The following HECW1 variants were observed in gnomAD, a reference collection of about 807,000 sequenced individuals.
The protein encoded by HECW1 is HECT, C2 and WW domain containing E3 ubiquitin protein ligase 1.
Under a neutral mutation model 182.3 loss-of-function variants are expected in HECW1, and 61 were observed. The ratio of observed to expected loss-of-function variants is 0.33; its 90% CI spans 0.27 to 0.41. The LOEUF is 0.41. HECW1 is among the 10% of genes least tolerant of loss of function. The pLI is 1.00. For missense variants in HECW1, 1,739 were observed against 2,108.9 expected (o/e 0.82, Z 3.44); for synonymous variants, 859 against 832.6 (o/e 1.03, Z -0.55).
intron 3 of HECW1, among the ~76,000 whole-genome samples, chr7:43,280,143 T>A (rs956476005): frequency 5.3e-5 from 8 of 152,176 alleles, no homozygotes; most frequent in African/African-American, 1.7e-4. Context: ...GGAATTCTTA[T>A]CACCTTTTCC....
At chr7:43,365,139 G>A (rs1054153360) in intron 6 of HECW1, among the ~76,000 whole-genome samples, 11 of 152,226 alleles carry the variant, frequency 7.2e-5, no homozygotes, top group African/African-American at 2.7e-4. Flanking sequence ...AGGGGCTGCT[G>A]GAGGGAGTGG....
chr7:43,207,267 G>A (rs759317579), intron 2 of HECW1, among the ~76,000 whole-genome samples: 16 of 152,042 alleles, frequency 1.1e-4, no homozygotes, highest in Admixed American at 3.3e-4. Flanking sequence ...GGCTGGTCTC[G>A]AATTCTTGAC....
rs2082248696 is a variant in HECW1 at position 43,562,934 on chromosome 7, T to C, written c.*1008T>C. 1 of 214,350 alleles carries C rather than the reference T, an allele frequency of 4.7e-6. No homozygotes were observed. Among genetic ancestry groups the C allele is most frequent in the Non-Finnish European group, 9.4e-6 (1 of 106,264 alleles). The allele number at this position is 214,350 out of a possible 1,614,324, so 13.3% of individuals were successfully genotyped here. A position where few individuals can be genotyped will look rare whatever the true frequency, so the allele number is the denominator to read the frequency against. On this transcript the variant is annotated 3_prime_UTR_variant, in exon 30 of 30. Coordinates refer to ENST00000395891, the MANE Select transcript of HECW1 (RefSeq NM_015052.5). ...AAATGTGTAGATGATACCATGACTTTTGTTAAAGCCATGACTTTTGTTTGC... is the reference window on the plus strand; with the variant it reads ...AAATGTGTAGATGATACCATGACTTCTGTTAAAGCCATGACTTTTGTTTGC...
At chr7:43,419,835 G>C (rs2076124587) in intron 8 of HECW1, among the ~76,000 whole-genome samples, 1 of 152,200 alleles carries the variant, frequency 6.6e-6, no homozygotes, top group Non-Finnish European at 1.5e-5. Flanking sequence ...TTTGCCACGA[G>C]AGTACGCCGA....
At chr7:43,306,650 G>A (rs951453854) in intron 3 of HECW1, among the ~76,000 whole-genome samples, 2 of 151,890 alleles carry the variant, frequency 1.3e-5, no homozygotes, top group Non-Finnish European at 2.9e-5. Flanking sequence ...CTCTATTATA[G>A]ACATGCCTTT....
At chr7:43,387,258 T>A (rs1209507388) in intron 6 of HECW1, among the ~76,000 whole-genome samples, 1 of 152,084 alleles carries the variant, frequency 6.6e-6, no homozygotes, top group African/African-American at 2.4e-5. Context: ...ATCGAGGTTA[T>A]GGAAACGGAT....
At position 43,553,688 on chromosome 7, in the gene HECW1, A is replaced by G. The variant is rs113402572; in HGVS notation, c.4511-904A>G. On this transcript the variant is annotated intron_variant, in intron 28 of 29. Transcript: ENST00000395891. ...TGTCTCAAAAAAAAAAAAAAAAAAA[A>G]GTCTCTGCCTGGCTGTTAAGGCCCC... Among the ~76,000 whole-genome samples, 339 of 136,368 alleles carry G rather than the reference A, an allele frequency of 2.5e-3. 43 individuals are homozygous for G. Among genetic ancestry groups the G allele is most frequent in the Non-Finnish European group, 2.4e-3 (150 of 63,400 alleles). The allele number at this position is 136,368 out of a possible 152,430, so 89.5% of individuals were successfully genotyped here.
intron 27 of HECW1, among the ~76,000 whole-genome samples, chr7:43,550,908 G>C (rs2081797317): frequency 1.3e-5 from 2 of 152,210 alleles, no homozygotes; most frequent in African/African-American, 4.8e-5. Flanking sequence ...TATGCAGCTG[G>C]TGTTTCCTTT....
intron 6 of HECW1, among the ~76,000 whole-genome samples, chr7:43,381,185 T>C (rs1475477029): frequency 6.6e-6 from 1 of 152,204 alleles, no homozygotes; most frequent in Non-Finnish European, 1.5e-5. Context: ...TCTTTTCCCA[T>C]TGGGCTGTTT....
intron 5 of HECW1, among the ~76,000 whole-genome samples, 163 bp from the exon 6 acceptor site, chr7:43,360,723 A>AG (rs1815764423): frequency 6.6e-6 from 1 of 152,232 alleles, no homozygotes; most frequent in South Asian, 2.1e-4. Context: ...TTAAGAAGTC[A>AG]GACCTGTCCT....
At chr7:43,357,799 A>C (rs1400413399) in intron 5 of HECW1, among the ~76,000 whole-genome samples, 3 of 152,164 alleles carry the variant, frequency 2.0e-5, no homozygotes, top group Admixed American at 6.5e-5. Flanking sequence ...AATTAAGATG[A>C]TGTATATCCC....
At chr7:43,229,758 G>A (rs1262026783) in intron 2 of HECW1, among the ~76,000 whole-genome samples, 1 of 152,172 alleles carries the variant, frequency 6.6e-6, no homozygotes. Flanking sequence ...TGTAATTTCC[G>A]AGTGTCTCTC....
At chr7:43,218,618 A>G (rs1428751681) in intron 2 of HECW1, among the ~76,000 whole-genome samples, 4 of 152,198 alleles carry the variant, frequency 2.6e-5, no homozygotes, top group Admixed American at 6.5e-5. Context: ...GGCAACATTT[A>G]TACCTAGGGT....
intron 8 of HECW1, among the ~76,000 whole-genome samples, chr7:43,425,336 A>AGATAGATAGAT (rs1305903090): frequency 6.6e-6 from 1 of 150,716 alleles, no homozygotes; most frequent in Non-Finnish European, 1.5e-5. Context: ...ATAGATAGAT[A>AGATAGATAGAT]GATAGATGCT....
chr7:43,497,718 A>G (rs534644573), intron 19 of HECW1, among the ~76,000 whole-genome samples: 1 of 152,300 alleles, frequency 6.6e-6, no homozygotes, highest in South Asian at 2.1e-4. Context: ...ATGCAAAAAC[A>G]ACAGGAGCTG....
intron 29 of HECW1, among the ~76,000 whole-genome samples, chr7:43,556,391 C>T (rs771824931): frequency 3.3e-5 from 5 of 152,170 alleles, no homozygotes; most frequent in Admixed American, 6.5e-5. Context: ...GAGCCACAAA[C>T]AAAAGACCCT....
Position 43,480,722 on chromosome 7 carries a change from T to C in HECW1, c.3234+978T>C, listed in dbSNP as rs2078404272. On this transcript the variant is annotated intron_variant, in intron 17 of 29. Coordinates refer to ENST00000395891, the MANE Select transcript of HECW1 (RefSeq NM_015052.5). ...ACACACACACACACATATATACGCA[T>C]ATATATATATATATACACACACACA... Among the ~76,000 whole-genome samples the C allele has an allele frequency of 7.5e-5, 8 of 105,976 alleles. No homozygotes were observed. In the South Asian group the frequency reaches 3.0e-3, roughly 40 times the overall value. 69.5% of individuals were successfully genotyped at this position (105,976 alleles called of 152,430 possible).
intron 2 of HECW1, among the ~76,000 whole-genome samples, chr7:43,213,433 A>C (rs980768979): frequency 6.7e-6 from 1 of 148,794 alleles, no homozygotes; most frequent in Non-Finnish European, 1.5e-5. Context: ...GCTGGTGATC[A>C]TAAGAATTTT....
chr7:43,294,072 A>G (rs1405125709), intron 3 of HECW1, among the ~76,000 whole-genome samples: 2 of 152,214 alleles, frequency 1.3e-5, no homozygotes, highest in Non-Finnish European at 2.9e-5. Flanking sequence ...ATTGTCTTCC[A>G]TGAAATCGAT....
Sources: gnomAD v4.1 joint callset for allele counts (sites outside exome capture counted in the v4.1 genomes callset) on GRCh38, gnomAD v4.1.1 for gene constraint, MANE v1.5 for transcripts, NCBI Gene and HGNC (gene_info 2026-07-23, HGNC 2026-07-21) for gene names.